EPB41L3: variants seen among roughly 807,000 people sequenced by gnomAD.
EPB41L3 encodes erythrocyte membrane protein band 4.1 like 3.
EPB41L3 carries 57 observed loss-of-function variants against 127.1 expected under a neutral mutation model. The ratio of observed to expected loss-of-function variants is 0.45; its 90% CI spans 0.36 to 0.56. The LOEUF (loss-of-function observed/expected upper bound fraction) is 0.56. Ranked by LOEUF, EPB41L3 falls within the 20% of genes least tolerant of loss-of-function variation. The pLI, the probability that EPB41L3 is intolerant of heterozygous loss-of-function variation, is 0.00. For synonymous variants in EPB41L3, 572 were observed against 549.5 expected (o/e 1.04, Z -0.57); for missense variants, 1,273 against 1,372.2 (o/e 0.93, Z 1.14).
chr18:5,526,078 C>T (rs1018821246), intron 1 of EPB41L3, among the ~76,000 whole-genome samples: 1 of 152,088 alleles, frequency 6.6e-6, no homozygotes, highest in Non-Finnish European at 1.5e-5. Context: ...AAACAATTAT[C>T]TATGTCATTA....
At chr18:5,451,958 C>T (rs765852734) in intron 3 of EPB41L3, among the ~76,000 whole-genome samples, 4 of 152,148 alleles carry the variant, frequency 2.6e-5, no homozygotes, top group Non-Finnish European at 5.9e-5. Flanking sequence ...CTTGCTTCAG[C>T]CTCCCAAGTA....
At chr18:5,508,551 A>C (rs1389217577) in intron 1 of EPB41L3, among the ~76,000 whole-genome samples, 4 of 152,026 alleles carry the variant, frequency 2.6e-5, no homozygotes, top group African/African-American at 9.7e-5. Context: ...GTGGATCACA[A>C]GGTCAGGAGA....
At chr18:5,433,645 A>G (rs996455947) in intron 7 of EPB41L3, 89 bp from the exon 8 acceptor site, 220 of 1,226,374 alleles carry the variant, frequency 1.8e-4, no homozygotes, top group Non-Finnish European at 2.4e-4. Flanking sequence ...CTATCTCATA[A>G]GAAGTCCTAT....
At chr18:5,461,500 G>C (rs1345303712) in intron 3 of EPB41L3, among the ~76,000 whole-genome samples, 1 of 152,192 alleles carries the variant, frequency 6.6e-6, no homozygotes, top group African/African-American at 2.4e-5. Flanking sequence ...ATGCTGAACA[G>C]ATACATTCTT....
intron 3 of EPB41L3, among the ~76,000 whole-genome samples, chr18:5,454,016 A>G (rs1228133389): frequency 6.6e-6 from 1 of 152,080 alleles, no homozygotes; most frequent in Non-Finnish European, 1.5e-5. Flanking sequence ...ACTACCATTT[A>G]CCTCAAGGAT....
chr18:5,541,252 C>CAAA (rs370717420), intron 1 of EPB41L3, among the ~76,000 whole-genome samples: 2,701 of 46,636 alleles, frequency 0.058, 770 homozygotes, highest in Non-Finnish European at 0.068. Flanking sequence ...GACTCCATCT[C>CAAA]AAAAAAAAAA....
chr18:5,560,251 T>G (rs1038809470), intron 3 of EPB41L3, among the ~76,000 whole-genome samples: 1 of 152,192 alleles, frequency 6.6e-6, no homozygotes, highest in African/African-American at 2.4e-5. Context: ...TAAAATTAGA[T>G]GGGTTCCTTT....
intron 3 of EPB41L3, among the ~76,000 whole-genome samples, chr18:5,599,592 T>C (rs1599220957): frequency 6.6e-6 from 1 of 152,162 alleles, no homozygotes; most frequent in Admixed American, 6.6e-5. Context: ...GTTCTCGTGA[T>C]AGTGAATGAG....
Position 5,543,797 on chromosome 18 carries a change from C to A in EPB41L3, c.-12+116G>T. 1 of 837,488 alleles carries A rather than the reference C, an allele frequency of 1.2e-6. No individual in the cohort carries two copies. Among genetic ancestry groups the A allele is most frequent in the Non-Finnish European group, 1.4e-6 (1 of 695,496 alleles). The allele number at this position is 837,488 out of a possible 1,614,324, so 51.9% of individuals were successfully genotyped here. The stretch of plus-strand genomic sequence containing the variant: ...TTCGGGAGACCGCGCGGCGCCGAAG[C>A]CACGCGTCAGCCCCACTGTCCCGCG... On this transcript the variant is annotated intron_variant, in intron 1 of 22. Coordinates refer to ENST00000341928, the MANE Select transcript of EPB41L3 (RefSeq NM_012307.5). This position sits in a 1 kb window ranked among gnomAD's most constrained non-coding sequence, Gnocchi z 5.2.
At chr18:5,602,239 C>T (rs1374541348) in intron 3 of EPB41L3, among the ~76,000 whole-genome samples, 50 of 152,148 alleles carry the variant, frequency 3.3e-4, no homozygotes, top group Non-Finnish European at 1.5e-5. Context: ...GTAGTATACA[C>T]ACTAACTCAT....
intron 1 of EPB41L3, among the ~76,000 whole-genome samples, chr18:5,623,963 AT>A (rs1360405073): frequency 6.6e-6 from 1 of 152,150 alleles, no homozygotes; most frequent in Admixed American, 6.5e-5. Flanking sequence ...ATAAAAAAAA[AT>A]GTATGAGACC....
intron 13 of EPB41L3, among the ~76,000 whole-genome samples, chr18:5,412,377 C>T (rs1321018255): frequency 6.6e-6 from 1 of 151,944 alleles, no homozygotes; most frequent in Non-Finnish European, 1.5e-5. Flanking sequence ...AGGTGCATGC[C>T]ACCATGCCTG....
Position 5,534,913 on chromosome 18 carries a change from T to A in EPB41L3, c.-12+9000A>T, listed in dbSNP as rs547068617. Among the ~76,000 whole-genome samples the A allele has an allele frequency of 5.3e-5, 8 of 152,250 alleles. No homozygotes were observed. In the South Asian group the frequency reaches 1.7e-3, roughly 32 times the overall value. ...AGTTACCTAGCTCAAGGTTAGCAGATGTTTCCATCTGTATCTTCTCTAGCT... is the reference window on the plus strand; with the variant it reads ...AGTTACCTAGCTCAAGGTTAGCAGAAGTTTCCATCTGTATCTTCTCTAGCT... On this transcript the variant is annotated intron_variant, in intron 1 of 22. Transcript: ENST00000341928.
intron 1 of EPB41L3, among the ~76,000 whole-genome samples, chr18:5,512,568 C>T (rs2092578394): frequency 6.6e-6 from 1 of 152,094 alleles, no homozygotes; most frequent in Non-Finnish European, 1.5e-5. Flanking sequence ...TTCAGACACA[C>T]CACACTGGCT....
At chr18:5,597,938 C>T (rs1483528762) in intron 3 of EPB41L3, among the ~76,000 whole-genome samples, 4 of 152,204 alleles carry the variant, frequency 2.6e-5, no homozygotes, top group Admixed American at 6.5e-5. Flanking sequence ...ATCTCCACCA[C>T]GTGTTTGAGT....
chr18:5,538,288 C>T lies in EPB41L3; in HGVS notation c.-12+5625G>A, dbSNP rs557025208. Among the ~76,000 whole-genome samples the T allele has an allele frequency of 2.0e-5, 3 of 152,348 alleles. No individual in the cohort carries two copies. In the South Asian group the frequency reaches 6.2e-4, roughly 32 times the overall value. ...ATATCAACTTGGGTCACCACGAGCA[C>T]TAGAAATGTATCACTTAAGAGTGCT... On this transcript the variant is annotated intron_variant, in intron 1 of 22. Coordinates refer to ENST00000341928, the MANE Select transcript of EPB41L3 (RefSeq NM_012307.5).
At chr18:5,495,676 G>T (rs945579040) in intron 1 of EPB41L3, among the ~76,000 whole-genome samples, 1 of 152,064 alleles carries the variant, frequency 6.6e-6, no homozygotes, top group African/African-American at 2.4e-5. Flanking sequence ...AACATCACAG[G>T]CTACTTCAGA....
chr18:5,527,790 A>G (rs1785399), intron 1 of EPB41L3, among the ~76,000 whole-genome samples: 37,607 of 152,052 alleles, frequency 0.25, 5,006 homozygotes, highest in African/African-American at 0.35. Flanking sequence ...GGCAAGTCCA[A>G]TGCCTCTGAG....
At chr18:5,568,988 A>G (rs2094243511) in intron 3 of EPB41L3, among the ~76,000 whole-genome samples, 1 of 152,228 alleles carries the variant, frequency 6.6e-6, no homozygotes, top group African/African-American at 2.4e-5. Context: ...GTCTCTAAGG[A>G]ACATTTCTAT....
Sources: gnomAD v4.1 joint callset for allele counts (sites outside exome capture counted in the v4.1 genomes callset) on GRCh38, gnomAD v4.1.1 for gene constraint, Gnocchi (gnomAD v3.1) non-coding constraint, MANE v1.5 for transcripts, NCBI Gene and HGNC (gene_info 2026-07-23, HGNC 2026-07-21) for gene names.